ZNF407: variants seen among roughly 807,000 people sequenced by gnomAD.
ZNF407 encodes zinc finger protein 407.
Under a neutral mutation model 131.2 loss-of-function variants are expected in ZNF407, and 17 were observed. The ratio of observed to expected loss-of-function variants is 0.13; its 90% confidence interval spans 0.09 to 0.19. ZNF407 has a LOEUF of 0.19. Ranked by LOEUF, ZNF407 falls within the 10% of genes least tolerant of loss-of-function variation. The pLI is 1.00. For missense variants in ZNF407, 2,681 were observed against 2,830.6 expected, an observed-to-expected ratio of 0.95 and a Z score of 1.20; for synonymous variants, 1,156 against 1,062.0, an observed-to-expected ratio of 1.09 and a Z score of -1.72.
intron 8 of ZNF407, among the ~76,000 whole-genome samples, chr18:75,054,366 A>G (rs888720491): frequency 1.3e-5 from 2 of 152,262 alleles, no homozygotes; most frequent in Admixed American, 6.5e-5. Flanking sequence ...AGTGTCTACA[A>G]TGAAGACAAA....
At chr18:74,800,472 T>C (rs941004194) in intron 4 of ZNF407, among the ~76,000 whole-genome samples, 48 of 152,248 alleles carry the variant, frequency 3.2e-4, no homozygotes, top group African/African-American at 1.0e-3. Flanking sequence ...AGATCTTCAG[T>C]CTTTTTTGCT....
At chr18:74,802,838 G>A (rs1479579806) in intron 4 of ZNF407, among the ~76,000 whole-genome samples, 2 of 152,292 alleles carry the variant, frequency 1.3e-5, no homozygotes, top group Non-Finnish European at 2.9e-5. Flanking sequence ...ACATTGTCAA[G>A]TTAAGATTAA....
At chr18:75,062,630 G>T (rs565035632) in intron 8 of ZNF407, 1 of 152,230 alleles carries the variant, frequency 6.6e-6, no homozygotes, top group African/African-American at 2.4e-5. Context: ...TTACAGCGGT[G>T]TTTATTGATG....
chr18:75,064,265 G>A lies in ZNF407; in HGVS notation c.6544G>A (p.Glu2182Lys), dbSNP rs971747182. Residue 2182 changes from glutamate (E) to lysine (K), a missense_variant, in exon 9 of 9, where the codon GAG becomes AAG. Physicochemically the swap from Glu to Lys is moderately conservative, Grantham distance 56. This residue lies in a region of ZNF407 where 620 missense variants were observed against 583.1 expected (regional missense o/e 1.06). Coordinates refer to ENST00000299687, the MANE Select transcript of ZNF407 (RefSeq NM_017757.3). ...AGAGCTGCCCCCAGGGGTGCAGGACGAGCCGGGCCTGTACTCCCACACCGT... is the reference window on the plus strand; with the variant it reads ...AGAGCTGCCCCCAGGGGTGCAGGACAAGCCGGGCCTGTACTCCCACACCGT... ...LTELPPGVQD[E>K]PGLYSHTVLE... is the part of the protein sequence containing the mutation. The A allele has an allele frequency of 5.6e-6, 9 of 1,604,862 alleles. No individual in the cohort carries two copies. Among genetic ancestry groups the A allele is most frequent in the Non-Finnish European group, 7.6e-6 (9 of 1,176,872 alleles).
intron 8 of ZNF407, among the ~76,000 whole-genome samples, chr18:74,955,329 A>G (rs779233895): frequency 1.8e-4 from 27 of 152,180 alleles, no homozygotes; most frequent in Non-Finnish European, 4.4e-5. Flanking sequence ...ATTTGGTGCC[A>G]GTAGAGAAGG....
intron 3 of ZNF407, among the ~76,000 whole-genome samples, chr18:74,736,317 A>G (rs977157062): frequency 2.0e-5 from 3 of 152,214 alleles, no homozygotes; most frequent in African/African-American, 7.2e-5. Flanking sequence ...AGATAGGATT[A>G]GAATAATTAT....
At chr18:75,011,980 G>C (rs189095692) in intron 8 of ZNF407, among the ~76,000 whole-genome samples, 5 of 152,072 alleles carry the variant, frequency 3.3e-5, no homozygotes, top group Admixed American at 3.3e-4. Context: ...TTCCTGTTTT[G>C]TGTTTAAATA....
chr18:74,918,863 A>G (rs1433198826), intron 7 of ZNF407, among the ~76,000 whole-genome samples: 1 of 152,100 alleles, frequency 6.6e-6, no homozygotes, highest in Admixed American at 6.5e-5. Flanking sequence ...TTTCCTAGGC[A>G]TAGAGGGATT....
chr18:75,059,026 A>C (rs1024966056), intron 8 of ZNF407, among the ~76,000 whole-genome samples: 1 of 152,220 alleles, frequency 6.6e-6, no homozygotes, highest in African/African-American at 2.4e-5. Context: ...GCTCGCATTT[A>C]TGAACTGTGA....
intron 8 of ZNF407, among the ~76,000 whole-genome samples, chr18:74,987,803 AAAG>A (rs1315571664): frequency 6.6e-6 from 1 of 152,222 alleles, no homozygotes; most frequent in Non-Finnish European, 1.5e-5. Context: ...TAGAGGAGTT[AAAG>A]AAGACCAAGA....
intron 8 of ZNF407, among the ~76,000 whole-genome samples, chr18:74,949,784 G>A (rs1237391401): frequency 1.3e-5 from 2 of 152,146 alleles, no homozygotes. Flanking sequence ...CTCTGCCGAG[G>A]TGCCACAGTC....
intron 8 of ZNF407, among the ~76,000 whole-genome samples, chr18:74,941,622 T>C (rs1409288421): frequency 6.6e-6 from 1 of 152,230 alleles, no homozygotes; most frequent in Non-Finnish European, 1.5e-5. Context: ...CTGAGAATGG[T>C]ATTACATGGG....
intron 3 of ZNF407, among the ~76,000 whole-genome samples, chr18:74,677,238 G>C (rs975197299): frequency 3.3e-5 from 5 of 152,132 alleles, no homozygotes; most frequent in Non-Finnish European, 5.9e-5. Flanking sequence ...CCACAGGCAT[G>C]TGCCTGCACA....
chr18:74,680,550 G>A (rs913010130), intron 3 of ZNF407, among the ~76,000 whole-genome samples: 8 of 152,056 alleles, frequency 5.3e-5, no homozygotes, highest in Non-Finnish European at 4.4e-5. Flanking sequence ...TATTGTATGC[G>A]GTTTATTTTC....
chr18:74,828,923 T>A (rs1970445864), intron 4 of ZNF407, among the ~76,000 whole-genome samples: 1 of 152,210 alleles, frequency 6.6e-6, no homozygotes, highest in Non-Finnish European at 1.5e-5. Flanking sequence ...GCCTTAGGGC[T>A]AACCGTCCTC....
At chr18:74,699,314 A>C (rs975892571) in intron 3 of ZNF407, among the ~76,000 whole-genome samples, 1 of 152,134 alleles carries the variant, frequency 6.6e-6, no homozygotes, top group Non-Finnish European at 1.5e-5. Context: ...TTTTGTTTTT[A>C]TCCTCATTTT....
intron 8 of ZNF407, among the ~76,000 whole-genome samples, chr18:74,982,665 A>G (rs531300518): frequency 1.3e-5 from 2 of 152,302 alleles, no homozygotes; most frequent in South Asian, 4.1e-4. Context: ...TAGGAGCGTC[A>G]CCTCTGTTTC....
intron 4 of ZNF407, among the ~76,000 whole-genome samples, chr18:74,824,203 A>G (rs1970378923): frequency 6.6e-6 from 1 of 152,238 alleles, no homozygotes; most frequent in Non-Finnish European, 1.5e-5. Flanking sequence ...TCTGGGACAC[A>G]TTTAAAGAAG....
At chr18:74,682,885 G>T (rs1055219295) in intron 3 of ZNF407, among the ~76,000 whole-genome samples, 15 of 152,186 alleles carry the variant, frequency 9.9e-5, no homozygotes, top group Admixed American at 5.9e-4. Flanking sequence ...TGTGTTGTGT[G>T]CATGCTTGTG....
Sources: gnomAD v4.1 joint callset for allele counts (sites outside exome capture counted in the v4.1 genomes callset) on GRCh38, gnomAD v4.1.1 for gene constraint, gnomAD v4.1.1 regional missense constraint, MANE v1.5 for transcripts, NCBI Gene and HGNC (gene_info 2026-07-23, HGNC 2026-07-21) for gene names.